The following CNTNAP2 variants were observed in gnomAD, a reference collection of about 807,000 sequenced individuals.
CNTNAP2 encodes the protein contactin associated protein 2.
CNTNAP2 carries 98 observed loss-of-function variants against 155.2 expected under a neutral mutation model. The ratio of observed to expected loss-of-function variants is 0.63; its 90% CI spans 0.54 to 0.75. CNTNAP2 has a LOEUF of 0.75. CNTNAP2 is among the 30% of genes least tolerant of loss of function. CNTNAP2 has a pLI of 0.00. For missense variants in CNTNAP2, 1,727 were observed against 1,688.1 expected (o/e 1.02, Z -0.40); for synonymous variants, 651 against 631.2 (o/e 1.03, Z -0.47).
chr7:146,172,032 A>ATTTTTTT (rs61619996), intron 1 of CNTNAP2, among the ~76,000 whole-genome samples: 57 of 67,634 alleles, frequency 8.4e-4, no homozygotes, highest in African/African-American at 1.1e-3. Context: ...TGCTCTTAGT[A>ATTTTTTT]TTTTTTTTTT....
chr7:146,482,070 A>G (rs542102363), intron 1 of CNTNAP2, among the ~76,000 whole-genome samples: 2 of 152,212 alleles, frequency 1.3e-5, no homozygotes, highest in South Asian at 4.1e-4. Context: ...TAACTTAAAA[A>G]CATAAAGAAA....
chr7:146,379,859 A>T (rs928155240), intron 1 of CNTNAP2, among the ~76,000 whole-genome samples: 5 of 152,222 alleles, frequency 3.3e-5, no homozygotes, highest in Non-Finnish European at 5.9e-5. Context: ...TGTAAAAGAA[A>T]AAAAAAGACA....
chr7:146,720,943 C>G (rs866604791), intron 1 of CNTNAP2, among the ~76,000 whole-genome samples: 108 of 131,104 alleles, frequency 8.2e-4, no homozygotes, highest in East Asian at 2.0e-3. Context: ...TATACTTTCT[C>G]TATATATTCT....
intron 4 of CNTNAP2, among the ~76,000 whole-genome samples, chr7:147,064,881 C>T (rs1025437161): frequency 4.6e-5 from 7 of 152,108 alleles, no homozygotes; most frequent in African/African-American, 1.4e-4. Flanking sequence ...CTGTGAAGCC[C>T]ACATCAATTT....
intron 9 of CNTNAP2, among the ~76,000 whole-genome samples, chr7:147,321,414 G>C (rs537599533): frequency 6.6e-6 from 1 of 152,190 alleles, no homozygotes; most frequent in Admixed American, 6.5e-5. Context: ...TGCAGTTTAG[G>C]ATACAGAGTT....
intron 9 of CNTNAP2, among the ~76,000 whole-genome samples, chr7:147,360,888 G>A (rs1796137551): frequency 6.6e-6 from 1 of 152,194 alleles, no homozygotes; most frequent in Admixed American, 6.5e-5. Flanking sequence ...CGCAGAAGGG[G>A]TCAGAGAAGG....
chr7:148,057,091 G>T (rs546725978), intron 15 of CNTNAP2, among the ~76,000 whole-genome samples: 38 of 152,272 alleles, frequency 2.5e-4, no homozygotes, highest in African/African-American at 9.1e-4. Context: ...TGAGGCTTGA[G>T]TGGTATTCAC....
chr7:147,626,362 C>T (rs1044395487), intron 12 of CNTNAP2, among the ~76,000 whole-genome samples: 3 of 151,896 alleles, frequency 2.0e-5, no homozygotes, highest in Non-Finnish European at 2.9e-5. Flanking sequence ...TTAGGCCTCT[C>T]ACTAATGGCT....
At chr7:148,400,764 G>A (rs1221810011) in intron 22 of CNTNAP2, among the ~76,000 whole-genome samples, 2 of 152,230 alleles carry the variant, frequency 1.3e-5, no homozygotes, top group African/African-American at 2.4e-5. Flanking sequence ...AGCAGATCAC[G>A]AGGTCAGGAG....
intron 11 of CNTNAP2, among the ~76,000 whole-genome samples, chr7:147,526,143 G>A (rs537043152): frequency 7.0e-6 from 1 of 143,404 alleles, no homozygotes; most frequent in African/African-American, 2.6e-5. Flanking sequence ...AGTGAGCCGA[G>A]ATCACCCCAC....
At chr7:146,728,038 C>T (rs182195692) in intron 1 of CNTNAP2, among the ~76,000 whole-genome samples, 3 of 152,188 alleles carry the variant, frequency 2.0e-5, no homozygotes, top group African/African-American at 7.2e-5. Context: ...TTTCAACTCA[C>T]GGTGGCAAAG....
chr7:146,952,548 TCTC>T (rs1797340051), intron 3 of CNTNAP2, among the ~76,000 whole-genome samples: 1 of 152,176 alleles, frequency 6.6e-6, no homozygotes, highest in South Asian at 2.1e-4. Context: ...CAGCCACAAA[TCTC>T]CTGAAGCTGA....
intron 1 of CNTNAP2, among the ~76,000 whole-genome samples, chr7:146,582,773 T>A (rs1798630792): frequency 6.6e-6 from 1 of 152,032 alleles, no homozygotes. Flanking sequence ...TAAGGCACAA[T>A]GAACCTTCCC....
intron 8 of CNTNAP2, among the ~76,000 whole-genome samples, chr7:147,177,334 A>G (rs1802369623): frequency 6.6e-6 from 1 of 152,038 alleles, no homozygotes; most frequent in Non-Finnish European, 1.5e-5. Flanking sequence ...TCCTGATAGT[A>G]AGTTCTCACG....
At chr7:148,295,941 T>C (rs1383486686) in intron 21 of CNTNAP2, among the ~76,000 whole-genome samples, 3 of 152,122 alleles carry the variant, frequency 2.0e-5, no homozygotes, top group Non-Finnish European at 4.4e-5. Flanking sequence ...GCACTAAATG[T>C]TTAGATTCAG....
chr7:147,319,368 T>C (rs926373130), intron 9 of CNTNAP2, among the ~76,000 whole-genome samples: 1 of 152,164 alleles, frequency 6.6e-6, no homozygotes, highest in Non-Finnish European at 1.5e-5. Context: ...CCTTTGCACT[T>C]ATATATAAGT....
At chr7:146,603,741 C>G (rs1373476278) in intron 1 of CNTNAP2, among the ~76,000 whole-genome samples, 1 of 150,984 alleles carries the variant, frequency 6.6e-6, no homozygotes, top group Non-Finnish European at 1.5e-5. Flanking sequence ...ATCAATGGAA[C>G]AGAACACAGC....
At chr7:146,375,873 C>T (rs920504411) in intron 1 of CNTNAP2, among the ~76,000 whole-genome samples, 2 of 152,056 alleles carry the variant, frequency 1.3e-5, no homozygotes, top group Non-Finnish European at 2.9e-5. Flanking sequence ...TTAAACTATC[C>T]CTTCATCACT....
chr7:146,280,566 G>A (rs1800235489), intron 1 of CNTNAP2, among the ~76,000 whole-genome samples: 1 of 152,098 alleles, frequency 6.6e-6, no homozygotes, highest in Non-Finnish European at 1.5e-5. Context: ...AACCCTCATT[G>A]GAGAGTCTGA....
Sources: gnomAD v4.1 joint callset for allele counts (sites outside exome capture counted in the v4.1 genomes callset) on GRCh38, gnomAD v4.1.1 for gene constraint, MANE v1.5 for transcripts, NCBI Gene and HGNC (gene_info 2026-07-23, HGNC 2026-07-21) for gene names.